Variants in RBM28 observed in about 807,000 individuals in gnomAD.
RBM28 encodes RNA binding motif protein 28, also known as RNA-binding protein 28.
RBM28 carries 78 observed loss-of-function variants against 98.3 expected under a neutral mutation model. The observed-to-expected ratio is 0.79, with a 90% confidence interval of 0.66 to 0.96. RBM28 has a LOEUF of 0.96. Among genes scored for constraint, RBM28 ranks in the 40% least tolerant of loss-of-function variants. RBM28 has a pLI of 0.00. For synonymous variants in RBM28, 306 were observed against 330.9 expected (o/e 0.92, Z 0.82); for missense variants, 838 against 913.0 (o/e 0.92, Z 1.06).
intron 6 of RBM28, among the ~76,000 whole-genome samples, chr7:128,336,324 G>A (rs1164673413): frequency 1.3e-5 from 2 of 152,198 alleles, no homozygotes; most frequent in Admixed American, 1.3e-4. Context: ...GCCTCTCCAA[G>A]CAGTCTACCA....
In RBM28 at chr7:128,336,054, G is replaced by A. The variant is rs1428721323; in HGVS notation, c.614-12C>T. 2 of 1,599,162 alleles carry A rather than the reference G, an allele frequency of 1.3e-6. No homozygotes were observed. The highest frequency in any genetic ancestry group is 2.2e-5 in the East Asian group (1 of 44,810). ...GCTCTTTTCCTCACCTATGGAGGGA[G>A]GTAAAGAAAGGAGGAATTCATTTAA... On this transcript the variant is annotated splice_polypyrimidine_tract_variant and intron_variant, in intron 6 of 18. Coordinates refer to ENST00000223073, the MANE Select transcript of RBM28 (RefSeq NM_018077.3).
Position 128,343,682 on chromosome 7 carries a change from C to G in RBM28, c.112G>C (p.Glu38Gln), listed in dbSNP as rs1378012425. The change falls in exon 1 of 19, where the codon GAA becomes CAA. Residue 38 changes from glutamate to glutamine, a missense_variant. By Grantham distance (29) the Glu-to-Gln change is conservative. Transcript: ENST00000223073. The stretch of plus-strand genomic sequence containing the variant: ...TCGACCGCCCCGCCCCTACCTTTTT[C>G]AGTCACCACGAAGCACTGCTTCACC... ...GPVKQCFVVT[E>Q]KGSKACRGFG... 1.9e-6 allele frequency: 3 copies of G among 1,603,904 alleles called. No individual in the cohort carries two copies. Among genetic ancestry groups the G allele is most frequent in the Non-Finnish European group, 1.7e-6 (2 of 1,174,460 alleles).
intron 7 of RBM28, 43 bp downstream of exon 7, chr7:128,335,804 T>C (rs891536596): frequency 5.6e-6 from 9 of 1,613,902 alleles, no homozygotes; most frequent in South Asian, 1.1e-5. Flanking sequence ...GGAGACAATC[T>C]TGAATCTTCC....
At position 128,324,576 on chromosome 7, in the gene RBM28, T is replaced by C. The variant is rs748976770; in HGVS notation, c.1322A>G (p.Tyr441Cys). 7.4e-6 allele frequency: 12 copies of C among 1,614,080 alleles called. No homozygotes were observed. Among genetic ancestry groups the C allele is most frequent in the African/African-American group, 1.3e-5 (1 of 74,928 alleles). The change falls in exon 12 of 19, where the codon TAT becomes TGT. Residue 441 changes from tyrosine (Y) to cysteine (C), a missense_variant. Physicochemically the swap from Tyr to Cys is radical, Grantham distance 194 (BLOSUM62 -2). Coordinates refer to ENST00000223073, the MANE Select transcript of RBM28 (RefSeq NM_018077.3). Reference sequence around the variant, plus strand: ...CTACTCACAGCCTTCTCGGGCCAGATAGAGATTCCGGGTGCCAGTCGGCTT... The same window carrying C: ...CTACTCACAGCCTTCTCGGGCCAGACAGAGATTCCGGGTGCCAGTCGGCTT... ...VKKPTGTRNLYLAREGLIRAG... is the reference protein window; with the variant it reads ...VKKPTGTRNLCLAREGLIRAG...
chr7:128,337,307 A>T, intron 5 of RBM28, 105 bp from the exon 6 acceptor site: 1 of 1,093,446 alleles, frequency 9.1e-7, no homozygotes, highest in Non-Finnish European at 1.4e-6. Context: ...GTGGAGACAA[A>T]GAAACTGCCA....
rs550628443 is a variant in RBM28, at chr7:128,305,084, G to C, written c.*5713C>G. On this transcript the variant is annotated 3_prime_UTR_variant, in exon 19 of 19. Coordinates refer to ENST00000223073, the MANE Select transcript of RBM28 (RefSeq NM_018077.3). ...GGCTGAGGAAGAACTGCTTGAACCT[G>C]GGGGGTGGAGGTTGCAGTGAGCTGA... is the stretch of plus-strand genomic sequence containing the variant. 2 of 151,734 alleles carry C rather than the reference G, an allele frequency of 1.3e-5. No homozygotes were observed. The highest frequency in any genetic ancestry group is 6.6e-5 in the Admixed American group (1 of 15,228). The allele number at this position is 151,734 out of a possible 1,614,324, so 9.4% of individuals were successfully genotyped here.
intron 15 of RBM28, 53 bp downstream of exon 15, chr7:128,317,904 G>C (rs1208066683): frequency 6.2e-7 from 1 of 1,604,726 alleles, no homozygotes; most frequent in African/African-American, 1.3e-5. Context: ...GAGAAGGCTG[G>C]TTTCCTGCAA....
intron 1 of RBM28, chr7:128,341,040 TAACA>T: frequency 2.3e-6 from 2 of 874,034 alleles, no homozygotes; most frequent in Admixed American, 3.2e-5. Flanking sequence ...CTTTTTGGTT[TAACA>T]TTTTGTATAG....
chr7:128,310,261 CAGCGATTAGGTTAGAA>C lies in RBM28; in HGVS notation c.*520_*535del, dbSNP rs1795952366. 1 of 166,346 alleles carries C rather than the reference CAGCGATTAGGTTAGAA, an allele frequency of 6.0e-6. No individual in the cohort carries two copies. The highest frequency in any genetic ancestry group is 2.4e-5 in the African/African-American group (1 of 41,538). 10.3% of individuals were successfully genotyped at this position (166,346 alleles called of 1,614,324 possible). ...ATTCTTTTCCAAGTGTCTCCGCCTGCAGCGATTAGGTTAGAAAGCATTTCTCTCTGCTCTCGCTTAG... is the reference window on the plus strand; with the variant it reads ...ATTCTTTTCCAAGTGTCTCCGCCTGCAGCATTTCTCTCTGCTCTCGCTTAG... On this transcript the variant is annotated 3_prime_UTR_variant, in exon 19 of 19. Coordinates refer to ENST00000223073, the MANE Select transcript of RBM28 (RefSeq NM_018077.3).
chr7:128,326,079 C>T (rs938184342), intron 10 of RBM28, among the ~76,000 whole-genome samples, 188 bp from the exon 11 acceptor site: 6 of 152,132 alleles, frequency 3.9e-5, no homozygotes, highest in African/African-American at 1.4e-4. Context: ...CCGATGCGGG[C>T]AGATCATGAG....
At chr7:128,320,215 CAAAAA>C (rs1164059031) in intron 14 of RBM28, among the ~76,000 whole-genome samples, 9 of 51,144 alleles carry the variant, frequency 1.8e-4, no homozygotes, top group South Asian at 1.5e-3. Flanking sequence ...GACTCCGTCT[CAAAAA>C]AAAAAAAAAA....
chr7:128,329,530 G>A (rs1287959576), intron 10 of RBM28, among the ~76,000 whole-genome samples: 2 of 152,208 alleles, frequency 1.3e-5, no homozygotes, highest in African/African-American at 2.4e-5. Flanking sequence ...CACAGCCTCC[G>A]AAGCAGCATT....
intron 9 of RBM28, 25 bp from the exon 10 acceptor site, chr7:128,330,953 C>T: frequency 6.8e-7 from 1 of 1,469,266 alleles, no homozygotes; most frequent in Admixed American, 1.7e-5. Context: ...CAGATGATCA[C>T]AAGAAAAGTC....
At chr7:128,340,353 G>A (rs1187481951) in intron 1 of RBM28, among the ~76,000 whole-genome samples, 1 of 152,080 alleles carries the variant, frequency 6.6e-6, no homozygotes, top group African/African-American at 2.4e-5. Context: ...GGAGCTGGGG[G>A]CTTTATAAGA....
rs749405066 is a variant in RBM28 at position 128,318,111 on chromosome 7, G to C, written c.1564-5C>G. The C allele has an allele frequency of 1.2e-6, 2 of 1,608,886 alleles. No homozygotes were observed. Among genetic ancestry groups the C allele is most frequent in the African/African-American group, 1.3e-5 (1 of 74,794 alleles). On this transcript the variant is annotated splice_polypyrimidine_tract_variant and splice_region_variant and intron_variant, in intron 14 of 18. Coordinates refer to ENST00000223073, the MANE Select transcript of RBM28 (RefSeq NM_018077.3). Reference sequence around the variant, plus strand: ...GAGGTCTCGCATCACTCTACACTATGAGTAGAGCAAGAAAAAAATCAGTAA... The same window carrying C: ...GAGGTCTCGCATCACTCTACACTATCAGTAGAGCAAGAAAAAAATCAGTAA...
At chr7:128,316,389 G>C (rs765331382) in intron 16 of RBM28, among the ~76,000 whole-genome samples, 2 of 152,184 alleles carry the variant, frequency 1.3e-5, no homozygotes, top group Non-Finnish European at 2.9e-5. Context: ...TATAAATCCA[G>C]GCAACAAATA....
Position 128,314,943 on chromosome 7 carries a change from C to T in RBM28, c.1866G>A (p.Lys622=). 6.2e-7 allele frequency: 1 copy of T among 1,614,196 alleles called. No individual in the cohort carries two copies. Among genetic ancestry groups the T allele is most frequent in the Non-Finnish European group, 8.5e-7 (1 of 1,180,030 alleles). Residue 622 remains lysine, a synonymous_variant, in exon 17 of 19, where the codon AAG becomes AAA. Coordinates refer to ENST00000223073, the MANE Select transcript of RBM28 (RefSeq NM_018077.3). The stretch of plus-strand genomic sequence containing the variant: ...GTTCCTCTGTGTGGTGTTGAGCTGC[C>T]TTCTGTTGCTGGTCTTTTGCAGGCT... ...QPEPAKDQQQ[K]AAQHHTEEQS...
chr7:128,329,296 T>C lies in RBM28; in HGVS notation c.1129+1523A>G, dbSNP rs993868851. On this transcript the variant is annotated intron_variant, in intron 10 of 18. Transcript: ENST00000223073. ...GTATTTTTAGTAGAGATGGGGTTTC[T>C]CCATATTGGTCAGGCTGCTCTTGAA... Among the ~76,000 whole-genome samples the C allele has an allele frequency of 5.3e-5, 8 of 152,090 alleles. 1 individual carries two copies. In the East Asian group the frequency reaches 9.7e-4, roughly 18 times the overall value.
Position 128,327,531 on chromosome 7 carries a change from G to A in RBM28, c.1130-1640C>T, listed in dbSNP as rs972424358. On this transcript the variant is annotated intron_variant, in intron 10 of 18. Coordinates refer to ENST00000223073, the MANE Select transcript of RBM28 (RefSeq NM_018077.3). ...TTTTTTTTTTTTGAGACGGAGTTTC[G>A]CTCTTGTTGCCCAGGCTGGAGTCTA... Among the ~76,000 whole-genome samples, 8 of 149,880 alleles carry A rather than the reference G, an allele frequency of 5.3e-5. No individual in the cohort carries two copies. The East Asian group carries it at 5.8e-4, about 11-fold the overall frequency.
Sources: allele counts gnomAD v4.1 joint callset (sites outside exome capture counted in the v4.1 genomes callset), GRCh38; gene constraint gnomAD v4.1.1; transcripts MANE v1.5; gene names NCBI Gene and HGNC (gene_info 2026-07-23, HGNC 2026-07-21).